RAB7A: variants seen among roughly 807,000 people sequenced by gnomAD.
RAB7A encodes RAB7A, member RAS oncogene family, also known as ras-related protein Rab-7a.
Under a neutral mutation model 24.5 loss-of-function variants are expected in RAB7A, and 2 were observed. The ratio of observed to expected loss-of-function variants is 0.08; its 90% confidence interval spans 0.03 to 0.26. The LOEUF (loss-of-function observed/expected upper bound fraction) is 0.26. RAB7A is among the 10% of genes least tolerant of loss of function. RAB7A has a pLI of 1.00. For missense variants in RAB7A, 118 were observed against 255.7 expected, an observed-to-expected ratio of 0.46 and a Z score of 3.67; for synonymous variants, 100 against 95.9, an observed-to-expected ratio of 1.04 and a Z score of -0.25.
At chr3:128,746,557 C>T (rs1038812485) in intron 1 of RAB7A, among the ~76,000 whole-genome samples, 8 of 151,110 alleles carry the variant, frequency 5.3e-5, no homozygotes, top group Non-Finnish European at 8.8e-5. Context: ...GAGATGGAGT[C>T]TCGCTCTGTC....
At chr3:128,781,141 A>G (rs975394466) in intron 1 of RAB7A, among the ~76,000 whole-genome samples, 3 of 152,256 alleles carry the variant, frequency 2.0e-5, no homozygotes, top group African/African-American at 7.2e-5. Context: ...TCATGTCTGC[A>G]TTGACATGGA....
chr3:128,812,701 G>A (rs2107618181), intron 5 of RAB7A, among the ~76,000 whole-genome samples: 1 of 152,340 alleles, frequency 6.6e-6, no homozygotes, highest in East Asian at 1.9e-4. Flanking sequence ...CACAGATGGT[G>A]ATAAAATTCA....
At chr3:128,806,952 G>A (rs1474590487) in intron 4 of RAB7A, among the ~76,000 whole-genome samples, 2 of 152,258 alleles carry the variant, frequency 1.3e-5, no homozygotes. Flanking sequence ...TTTGGGCTTT[G>A]AGTAAAATTG....
intron 3 of RAB7A, among the ~76,000 whole-genome samples, chr3:128,805,538 G>A (rs556121000): frequency 6.6e-6 from 1 of 152,190 alleles, no homozygotes; most frequent in South Asian, 2.1e-4. Context: ...TCTGGTGTGT[G>A]TTCTCATTGT....
At chr3:128,733,530 C>T (rs2070458303) in intron 1 of RAB7A, among the ~76,000 whole-genome samples, 2 of 152,268 alleles carry the variant, frequency 1.3e-5, no homozygotes, top group South Asian at 4.1e-4. Flanking sequence ...TTTATTTTCT[C>T]AATTCTGAAG....
At chr3:128,789,878 C>T (rs1234175602) in intron 1 of RAB7A, among the ~76,000 whole-genome samples, 2 of 150,260 alleles carry the variant, frequency 1.3e-5, no homozygotes, top group Admixed American at 6.6e-5. Flanking sequence ...GCAGCCTCCA[C>T]CTTCCAGGTT....
chr3:128,774,088 A>T (rs559838253), intron 1 of RAB7A, among the ~76,000 whole-genome samples: 1 of 151,166 alleles, frequency 6.6e-6, no homozygotes, highest in Non-Finnish European at 1.5e-5. Flanking sequence ...TAAAAAAAAA[A>T]AAAAAAAGAA....
chr3:128,812,565 G>A (rs1933950047), intron 5 of RAB7A, among the ~76,000 whole-genome samples: 1 of 152,212 alleles, frequency 6.6e-6, no homozygotes, highest in Non-Finnish European at 1.5e-5. Flanking sequence ...TGGCACACAA[G>A]TGCTCAGTGT....
rs146444984 is a variant in RAB7A, at chr3:128,813,589, ACACACACACACACG to A, written c.*181_*194del. 29,290 of 648,540 alleles carry A rather than the reference ACACACACACACACG, an allele frequency of 0.045. 659 individuals are homozygous for A. Among genetic ancestry groups the A allele is most frequent in the Non-Finnish European group, 0.058 (20,285 of 351,876 alleles). 40.2% of individuals were successfully genotyped at this position (648,540 alleles called of 1,614,324 possible). ...CAGTTACACCCCACATATCTCTCAC[ACACACACACACACG>A]CACACACACACACACAGATCTGACG... On this transcript the variant is annotated 3_prime_UTR_variant, in exon 6 of 6. Coordinates refer to ENST00000265062, the MANE Select transcript of RAB7A (RefSeq NM_004637.6).
intron 1 of RAB7A, among the ~76,000 whole-genome samples, chr3:128,763,460 G>A (rs981666521): frequency 2.0e-5 from 3 of 151,890 alleles, no homozygotes; most frequent in Admixed American, 6.6e-5. Flanking sequence ...TTTGTGATCC[G>A]CCTGTCTTGG....
intron 1 of RAB7A, among the ~76,000 whole-genome samples, chr3:128,777,677 A>C (rs1226177524): frequency 6.6e-6 from 1 of 152,180 alleles, no homozygotes; most frequent in Non-Finnish European, 1.5e-5. Flanking sequence ...TTAAAACTTT[A>C]CCCTGCTCAG....
chr3:128,798,442 C>A, intron 3 of RAB7A: 1 of 259,118 alleles, frequency 3.9e-6, no homozygotes, highest in Non-Finnish European at 7.7e-6. Context: ...ATCTTTGTCT[C>A]ACCTCAGTAG....
intron 1 of RAB7A, among the ~76,000 whole-genome samples, chr3:128,733,271 G>C (rs1372696096): frequency 3.9e-5 from 6 of 152,100 alleles, no homozygotes; most frequent in Admixed American, 3.3e-4. Flanking sequence ...AATTTTGCCT[G>C]ATTTGGATTT....
intron 1 of RAB7A, among the ~76,000 whole-genome samples, chr3:128,747,510 C>A (rs1464765236): frequency 2.0e-5 from 3 of 151,326 alleles, no homozygotes; most frequent in Non-Finnish European, 4.4e-5. Flanking sequence ...TGCTTGAACC[C>A]AGGAGGCGGA....
chr3:128,745,940 C>T (rs915576773), intron 1 of RAB7A, among the ~76,000 whole-genome samples: 3 of 152,236 alleles, frequency 2.0e-5, no homozygotes, highest in African/African-American at 7.2e-5. Context: ...GGCTTCTTGA[C>T]CAGCGCCCCC....
chr3:128,745,169 C>G (rs1334369902), intron 1 of RAB7A, among the ~76,000 whole-genome samples: 2 of 151,972 alleles, frequency 1.3e-5, no homozygotes, highest in African/African-American at 4.8e-5. Flanking sequence ...CTGCCGCGCC[C>G]GGCTGAAGTC....
chr3:128,797,060 C>G (rs1268738644), intron 2 of RAB7A, among the ~76,000 whole-genome samples: 1 of 152,162 alleles, frequency 6.6e-6, no homozygotes, highest in Non-Finnish European at 1.5e-5. Context: ...AACTCCATCC[C>G]CGTCGGGATG....
chr3:128,740,466 G>C (rs549220991), intron 1 of RAB7A, among the ~76,000 whole-genome samples: 1 of 152,236 alleles, frequency 6.6e-6, no homozygotes, highest in South Asian at 2.1e-4. Context: ...TTGCCATATA[G>C]CCTTCAGGAA....
intron 5 of RAB7A, among the ~76,000 whole-genome samples, chr3:128,811,200 C>T (rs1005697498): frequency 6.6e-6 from 1 of 151,934 alleles, no homozygotes; most frequent in Non-Finnish European, 1.5e-5. Flanking sequence ...AATCATCACT[C>T]GCTATAACCT....
Sources: gnomAD v4.1 joint callset for allele counts (sites outside exome capture counted in the v4.1 genomes callset) on GRCh38, gnomAD v4.1.1 for gene constraint, MANE v1.5 for transcripts, NCBI Gene and HGNC (gene_info 2026-07-23, HGNC 2026-07-21) for gene names.